The following TMEM116 variants were observed in gnomAD, a reference collection of about 807,000 sequenced individuals.
The protein encoded by TMEM116 is transmembrane protein 116.
Under a neutral mutation model 44.3 loss-of-function variants are expected in TMEM116, and 38 were observed. The ratio of observed to expected loss-of-function variants is 0.86; its 90% confidence interval spans 0.66 to 1.12. TMEM116 has a LOEUF of 1.12. Ranked by LOEUF, TMEM116 falls within the 50% of genes most tolerant of loss-of-function variation. TMEM116 has a pLI of 0.00. For missense variants in TMEM116, 354 were observed against 401.7 expected (o/e 0.88, Z 1.01); for synonymous variants, 132 against 144.8 (o/e 0.91, Z 0.64).
chr12:111,940,590 G>C (rs2072733644), intron 5 of TMEM116, among the ~76,000 whole-genome samples: 1 of 123,000 alleles, frequency 8.1e-6, no homozygotes, highest in African/African-American at 3.2e-5. Flanking sequence ...TATATCTTCG[G>C]CTAAAGCTTT....
rs78243942 is a variant in TMEM116, at chr12:111,973,316, A to C, written c.210+18442T>G. On this transcript the variant is annotated intron_variant, in intron 4 of 10. Transcript: ENST00000552374. ...AATTCATGGATTAAAGATCAAAAGAACAATTAGAAAGTATTTTAACTGAAG... is the reference window on the plus strand; with the variant it reads ...AATTCATGGATTAAAGATCAAAAGACCAATTAGAAAGTATTTTAACTGAAG... Among the ~76,000 whole-genome samples, 989 of 152,350 alleles carry C rather than the reference A, an allele frequency of 6.5e-3. 10 individuals are homozygous for C. The highest frequency in any genetic ancestry group is 0.023 in the African/African-American group (965 of 41,582).
At chr12:112,011,331 A>ACATACACAC (rs2136762364) in intron 1 of TMEM116, 1 of 152,498 alleles carries the variant, frequency 6.6e-6, no homozygotes, top group Admixed American at 6.5e-5. Flanking sequence ...CCCCAGACAC[A>ACATACACAC]TTCACACATA....
chr12:112,011,500 T>C (rs1286420052), intron 1 of TMEM116: 1 of 152,254 alleles, frequency 6.6e-6, no homozygotes, highest in East Asian at 1.9e-4. Flanking sequence ...CAATGCATTG[T>C]ATATGTTCTC....
intron 1 of TMEM116, chr12:112,005,649 G>T: frequency 1.0e-6 from 1 of 967,228 alleles, no homozygotes; most frequent in Non-Finnish European, 1.2e-6. Context: ...ATCACTTGAG[G>T]CCAGGAGTTT....
chr12:111,960,846 T>G (rs1343882143), intron 4 of TMEM116, among the ~76,000 whole-genome samples: 1 of 151,976 alleles, frequency 6.6e-6, no homozygotes, highest in Non-Finnish European at 1.5e-5. Context: ...CTGACGGAGA[T>G]AGAGACAGGA....
chr12:111,932,894 G>C (rs1179445631), intron 9 of TMEM116, among the ~76,000 whole-genome samples: 1 of 152,112 alleles, frequency 6.6e-6, no homozygotes, highest in Non-Finnish European at 1.5e-5. Context: ...CTACAGGAAG[G>C]TAATAATTTA....
At chr12:111,988,029 C>G (rs571364030) in intron 4 of TMEM116, among the ~76,000 whole-genome samples, 1 of 152,152 alleles carries the variant, frequency 6.6e-6, no homozygotes, top group Non-Finnish European at 1.5e-5. Context: ...CATGCTACAA[C>G]AAGATAAACC....
chr12:111,933,001 G>A (rs950274066), intron 9 of TMEM116, among the ~76,000 whole-genome samples: 1 of 152,192 alleles, frequency 6.6e-6, no homozygotes, highest in African/African-American at 2.4e-5. Flanking sequence ...AGCACTTTGG[G>A]AGGCCAAGGT....
At chr12:111,953,801 GTC>G (rs1157619829) in intron 4 of TMEM116, among the ~76,000 whole-genome samples, 2 of 151,884 alleles carry the variant, frequency 1.3e-5, no homozygotes, top group Non-Finnish European at 2.9e-5. Context: ...CTTTTAGAGA[GTC>G]TCTCTCTCTG....
chr12:111,982,913 T>C (rs926967408), intron 4 of TMEM116, among the ~76,000 whole-genome samples: 2 of 152,178 alleles, frequency 1.3e-5, no homozygotes, highest in African/African-American at 4.8e-5. Flanking sequence ...AGGAAATTTC[T>C]GGCCAATCAC....
At chr12:111,976,768 A>G (rs1014982000) in intron 4 of TMEM116, among the ~76,000 whole-genome samples, 4 of 152,208 alleles carry the variant, frequency 2.6e-5, no homozygotes, top group African/African-American at 4.8e-5. Flanking sequence ...TAAAAATGGA[A>G]ACTCTTAAAA....
At chr12:111,945,225 T>C (rs1039646561) in intron 4 of TMEM116, among the ~76,000 whole-genome samples, 1 of 150,776 alleles carries the variant, frequency 6.6e-6, no homozygotes, top group Non-Finnish European at 1.5e-5. Flanking sequence ...GTGCCTGTAG[T>C]CCCAGCTACT....
intron 1 of TMEM116, chr12:112,010,549 G>C (rs2077789294): frequency 6.6e-6 from 1 of 152,282 alleles, no homozygotes; most frequent in Admixed American, 6.5e-5. Flanking sequence ...AGGCCCTGGA[G>C]AGGATGGCTC....
intron 4 of TMEM116, among the ~76,000 whole-genome samples, chr12:111,987,904 AAAGGTGG>A (rs1322349701): frequency 6.6e-6 from 1 of 151,928 alleles, no homozygotes; most frequent in Non-Finnish European, 1.5e-5. Context: ...ACAACATCTA[AAAGGTGG>A]AAGCAACCCA....
chr12:111,969,878 C>A (rs893915134), intron 4 of TMEM116, among the ~76,000 whole-genome samples: 2 of 152,072 alleles, frequency 1.3e-5, no homozygotes, highest in African/African-American at 4.8e-5. Flanking sequence ...CTGCGCCTGG[C>A]CTGAGATTTT....
chr12:111,964,700 T>C (rs1437856275), intron 4 of TMEM116, among the ~76,000 whole-genome samples: 1 of 152,182 alleles, frequency 6.6e-6, no homozygotes, highest in African/African-American at 2.4e-5. Context: ...TATTTTCTTT[T>C]CTTTTGAGGC....
At chr12:111,944,574 G>A (rs1321736663) in intron 4 of TMEM116, among the ~76,000 whole-genome samples, 2 of 152,168 alleles carry the variant, frequency 1.3e-5, no homozygotes, top group African/African-American at 4.8e-5. Context: ...ACAGAATTCA[G>A]TTTGGGAGGC....
chr12:111,932,304 C>G (rs1415559146), intron 10 of TMEM116, among the ~76,000 whole-genome samples: 2 of 152,142 alleles, frequency 1.3e-5, no homozygotes, highest in Non-Finnish European at 2.9e-5. Flanking sequence ...CCTGGCAGAT[C>G]TTGTTTATTT....
At chr12:111,981,765 A>G (rs1428955917) in intron 4 of TMEM116, among the ~76,000 whole-genome samples, 2 of 152,232 alleles carry the variant, frequency 1.3e-5, no homozygotes, top group Admixed American at 1.3e-4. Flanking sequence ...ATAATAGCCA[A>G]GATATGCAAT....
Sources: allele counts gnomAD v4.1 joint callset (sites outside exome capture counted in the v4.1 genomes callset), GRCh38; gene constraint gnomAD v4.1.1; transcripts MANE v1.5; gene names NCBI Gene and HGNC (gene_info 2026-07-23, HGNC 2026-07-21).